The following HS6ST3 variants were observed in gnomAD, a reference collection of about 807,000 sequenced individuals.
HS6ST3 encodes heparan sulfate 6-O-sulfotransferase 3.
In HS6ST3, 12 loss-of-function variants were observed where a neutral mutation model predicts 36.7. The ratio of observed to expected loss-of-function variants is 0.33; its 90% CI spans 0.21 to 0.53. The LOEUF (loss-of-function observed/expected upper bound fraction) is 0.53, where lower values mean the gene tolerates loss of function less well. HS6ST3 is among the 20% of genes least tolerant of loss of function. The pLI is 0.95. For missense variants in HS6ST3, 584 were observed against 640.9 expected (o/e 0.91, Z 0.96); for synonymous variants, 240 against 257.5 (o/e 0.93, Z 0.65).
chr13:96,155,620 G>A (rs1320211258), intron 1 of HS6ST3, among the ~76,000 whole-genome samples: 1 of 152,092 alleles, frequency 6.6e-6, no homozygotes, highest in Non-Finnish European at 1.5e-5. Flanking sequence ...AGAATGGCAA[G>A]CATTTTAAAT....
intron 1 of HS6ST3, among the ~76,000 whole-genome samples, chr13:96,682,688 C>G (rs2056722468): frequency 6.6e-6 from 1 of 151,954 alleles, no homozygotes; most frequent in South Asian, 2.1e-4. Context: ...TGGTGGAAAC[C>G]TCATTAAAGG....
chr13:96,731,793 C>G (rs1047354803), intron 1 of HS6ST3, among the ~76,000 whole-genome samples: 3 of 151,856 alleles, frequency 2.0e-5, no homozygotes, highest in Admixed American at 2.0e-4. Context: ...GTAGCTGGGA[C>G]TACAGGCATG....
chr13:96,286,066 A>T (rs1200379827), intron 1 of HS6ST3, among the ~76,000 whole-genome samples: 1 of 132,560 alleles, frequency 7.5e-6, no homozygotes, highest in South Asian at 2.3e-4. Context: ...TCTTTCCCTC[A>T]CTTCCTCCTC....
At chr13:96,192,839 A>G (rs781718690) in intron 1 of HS6ST3, among the ~76,000 whole-genome samples, 3 of 152,172 alleles carry the variant, frequency 2.0e-5, no homozygotes, top group Non-Finnish European at 2.9e-5. Flanking sequence ...AAATTAATAT[A>G]GAAATATATT....
intron 1 of HS6ST3, among the ~76,000 whole-genome samples, chr13:96,304,659 T>C (rs1346785351): frequency 7.1e-6 from 1 of 139,892 alleles, no homozygotes; most frequent in African/African-American, 2.7e-5. Context: ...CTGAACTACA[T>C]GAGAATCACT....
intron 1 of HS6ST3, chr13:96,574,543 C>T: frequency 3.2e-6 from 1 of 307,882 alleles, no homozygotes; most frequent in Non-Finnish European, 6.4e-6. Flanking sequence ...CCCCTGTGGG[C>T]ACCAATGGCT....
At chr13:96,414,321 A>G (rs2055522347) in intron 1 of HS6ST3, among the ~76,000 whole-genome samples, 1 of 152,230 alleles carries the variant, frequency 6.6e-6, no homozygotes, top group Non-Finnish European at 1.5e-5. Flanking sequence ...CAATTAGAAT[A>G]ATTGAATTTT....
intron 1 of HS6ST3, among the ~76,000 whole-genome samples, chr13:96,523,892 G>T (rs1274987077): frequency 6.6e-6 from 1 of 152,092 alleles, no homozygotes; most frequent in Non-Finnish European, 1.5e-5. Flanking sequence ...ATCCAGTTTT[G>T]TTCCCTTGCT....
intron 1 of HS6ST3, among the ~76,000 whole-genome samples, chr13:96,732,453 G>T (rs1876180837): frequency 6.6e-6 from 1 of 151,184 alleles, no homozygotes; most frequent in Non-Finnish European, 1.5e-5. Flanking sequence ...GTGCGTTCTT[G>T]GTGCCTTTGT....
chr13:96,586,776 T>C (rs1227772982), intron 1 of HS6ST3, among the ~76,000 whole-genome samples: 3 of 152,224 alleles, frequency 2.0e-5, no homozygotes, highest in Admixed American at 1.3e-4. Flanking sequence ...TTGATTGTTT[T>C]CTTTGCTGTG....
chr13:96,799,942 G>GTGTATATATATATATATA lies in HS6ST3; in HGVS notation c.708-32546_708-32529dup, dbSNP rs1264361595. ...TATCCTTTTGAATACATATATGTGT[G>GTGTATATATATATATATA]TGTATATATATATATATATATGTGT... On this transcript the variant is annotated intron_variant, in intron 1 of 1. Transcript: ENST00000376705. Among the ~76,000 whole-genome samples, 43 of 93,976 alleles carry GTGTATATATATATATATA rather than the reference G, an allele frequency of 4.6e-4. 2 individuals carry two copies. The highest frequency in any genetic ancestry group is 6.8e-3 in the Middle Eastern group (1 of 148). The allele number at this position is 93,976 out of a possible 152,430, so 61.7% of individuals were successfully genotyped here. A position where few individuals can be genotyped will look rare whatever the true frequency, so the allele number is the denominator to read the frequency against.
intron 1 of HS6ST3, among the ~76,000 whole-genome samples, chr13:96,276,021 C>G (rs531566346): frequency 6.6e-6 from 1 of 152,144 alleles, no homozygotes; most frequent in Non-Finnish European, 1.5e-5. Flanking sequence ...GCCCTCTGTT[C>G]CCATCATGCC....
intron 1 of HS6ST3, among the ~76,000 whole-genome samples, chr13:96,244,815 A>C (rs2054577344): frequency 6.6e-6 from 1 of 152,120 alleles, no homozygotes; most frequent in Non-Finnish European, 1.5e-5. Flanking sequence ...GCCAAATATG[A>C]TGTATTCTGT....
chr13:96,226,120 A>G (rs2054479095), intron 1 of HS6ST3, among the ~76,000 whole-genome samples: 1 of 152,204 alleles, frequency 6.6e-6, no homozygotes, highest in Non-Finnish European at 1.5e-5. Flanking sequence ...CCTCTCAAAA[A>G]CATATTTGAT....
intron 1 of HS6ST3, among the ~76,000 whole-genome samples, chr13:96,188,859 G>C (rs2054276618): frequency 6.6e-6 from 1 of 152,092 alleles, no homozygotes; most frequent in South Asian, 2.1e-4. Flanking sequence ...TGAGTATCTA[G>C]GTTAATTGTA....
intron 1 of HS6ST3, among the ~76,000 whole-genome samples, chr13:96,425,397 C>T (rs1030323884): frequency 3.9e-5 from 6 of 152,010 alleles, no homozygotes; most frequent in African/African-American, 1.5e-4. Context: ...CTGCCAAGTC[C>T]ATATTTGGCT....
chr13:96,659,431 A>G (rs1362905557), intron 1 of HS6ST3, among the ~76,000 whole-genome samples: 1 of 152,064 alleles, frequency 6.6e-6, no homozygotes, highest in Admixed American at 6.6e-5. Context: ...AGACATATGT[A>G]TTATGATTAT....
chr13:96,376,266 G>T (rs2139443546), intron 1 of HS6ST3, among the ~76,000 whole-genome samples: 1 of 152,292 alleles, frequency 6.6e-6, no homozygotes, highest in East Asian at 1.9e-4. Flanking sequence ...ACTAGCATTT[G>T]GGCTTTTCAT....
At chr13:96,496,516 A>G (rs2055976544) in intron 1 of HS6ST3, among the ~76,000 whole-genome samples, 2 of 152,084 alleles carry the variant, frequency 1.3e-5, no homozygotes, top group African/African-American at 2.4e-5. Flanking sequence ...AGATCTGACT[A>G]CCTGAGACCA....
Sources: gnomAD v4.1 joint callset for allele counts (sites outside exome capture counted in the v4.1 genomes callset) on GRCh38, gnomAD v4.1.1 for gene constraint, MANE v1.5 for transcripts, NCBI Gene and HGNC (gene_info 2026-07-23, HGNC 2026-07-21) for gene names.